KCNQ1OT1: variants seen among roughly 807,000 people sequenced by gnomAD.
The protein encoded by KCNQ1OT1 is KCNQ1 opposite strand/antisense transcript 1.
At position 2,687,570 on chromosome 11, in the gene KCNQ1OT1, CCT is replaced by C. The variant is rs1850512262; in HGVS notation, n.12423_12424del. On this transcript the variant is annotated non_coding_transcript_exon_variant, in exon 1 of 1. Coordinates refer to ENST00000597346, the Ensembl canonical transcript of KCNQ1OT1. This position sits in a 1 kb window ranked among gnomAD's most constrained non-coding sequence, Gnocchi z 5.0. Reference sequence around the variant, plus strand: ...CTACCACAGCCCACTCTGATGACCCCCTGTCAAGGAGGTGTGACTGAGAAAGG... The same window carrying C: ...CTACCACAGCCCACTCTGATGACCCCGTCAAGGAGGTGTGACTGAGAAAGG... 10 of 398,746 alleles carry C rather than the reference CCT, an allele frequency of 2.5e-5. No homozygotes were observed. The highest frequency in any genetic ancestry group is 1.1e-4 in the East Asian group (3 of 28,084). The allele number at this position is 398,746 out of a possible 1,614,324, so 24.7% of individuals were successfully genotyped here.
chr11:2,651,491 A>G lies in KCNQ1OT1; in HGVS notation n.48504T>C. ...AAGTATCTGGTGGGCTTGCATTAAG[A>G]AGCTGTCAGTGTGAAGAACGTGAAT... is the stretch of plus-strand genomic sequence containing the variant. On this transcript the variant is annotated non_coding_transcript_exon_variant, in exon 1 of 1. Transcript: ENST00000597346. This position sits in a 1 kb window ranked among gnomAD's most constrained non-coding sequence, Gnocchi z 6.1. 2.5e-6 allele frequency: 1 copy of G among 398,740 alleles called. No homozygotes were observed. The highest frequency in any genetic ancestry group is 1.3e-4 in the South Asian group (1 of 7,856). 24.7% of individuals were successfully genotyped at this position (398,740 alleles called of 1,614,324 possible).
chr11:2,640,548 A>G, exon 1 of KCNQ1OT1: 2 of 380,306 alleles, frequency 5.3e-6, no homozygotes, highest in Non-Finnish European at 9.0e-6. Context: ...GGCCCCCCAA[A>G]GCACTGGGAT....
chr11:2,693,425 T>C, exon 1 of KCNQ1OT1: 1 of 398,708 alleles, frequency 2.5e-6, no homozygotes, highest in Non-Finnish European at 4.4e-6. Flanking sequence ...AAGCTTGTTT[T>C]GCCAGGCGCT....
Position 2,671,617 on chromosome 11 carries a change from C to T in KCNQ1OT1, n.28378G>A, listed in dbSNP as rs185000272. 1 of 398,618 alleles carries T rather than the reference C, an allele frequency of 2.5e-6. No homozygotes were observed. Among genetic ancestry groups the T allele is most frequent in the East Asian group, 3.6e-5 (1 of 28,084 alleles). The allele number at this position is 398,618 out of a possible 1,614,324, so 24.7% of individuals were successfully genotyped here. A position where few individuals can be genotyped will look rare whatever the true frequency, so the allele number is the denominator to read the frequency against. On this transcript the variant is annotated non_coding_transcript_exon_variant, in exon 1 of 1. Transcript: ENST00000597346. The surrounding 1 kb of genome is among the most constrained non-coding windows in gnomAD (Gnocchi z 4.7). Reference sequence around the variant, plus strand: ...ACTGCACTGCACCCTAAGTATAAACCTTGCCACAGCAGTGTCCTGTGGTGC... The same window carrying T: ...ACTGCACTGCACCCTAAGTATAAACTTTGCCACAGCAGTGTCCTGTGGTGC...
In KCNQ1OT1 at chr11:2,674,385, GTGCA is replaced by G. The variant is rs1414332092; in HGVS notation, n.25606_25609del. 3.3e-5 allele frequency: 13 copies of G among 398,156 alleles called. No individual in the cohort carries two copies. The highest frequency in any genetic ancestry group is 5.8e-5 in the Non-Finnish European group (13 of 225,910). The allele number at this position is 398,156 out of a possible 1,614,324, so 24.7% of individuals were successfully genotyped here. On this transcript the variant is annotated non_coding_transcript_exon_variant, in exon 1 of 1. Coordinates refer to ENST00000597346, the Ensembl canonical transcript of KCNQ1OT1. This position sits in a 1 kb window ranked among gnomAD's most constrained non-coding sequence, Gnocchi z 5.9. ...AAGAGCAGCTTCCTGCTTAGGGAAG[GTGCA>G]TGCGTGCGTGTGTGTGTGCGCGCCC... is the stretch of plus-strand genomic sequence containing the variant.
chr11:2,625,557 C>G lies in KCNQ1OT1; in HGVS notation n.74438G>C, dbSNP rs7103309. 10 of 397,048 alleles carry G rather than the reference C, an allele frequency of 2.5e-5. No individual in the cohort carries two copies. The East Asian group carries it at 3.6e-4, about 14-fold the overall frequency. The allele number at this position is 397,048 out of a possible 1,614,324, so 24.6% of individuals were successfully genotyped here. A position where few individuals can be genotyped will look rare whatever the true frequency, so the allele number is the denominator to read the frequency against. On this transcript the variant is annotated non_coding_transcript_exon_variant, in exon 1 of 1. Transcript: ENST00000597346. The stretch of plus-strand genomic sequence containing the variant: ...CATTTGTATATCTTCTTTGGAGATA[C>G]GTCTGTCCAAGTCCTTTGCCCTTTT...
chr11:2,679,708 T>A lies in KCNQ1OT1; in HGVS notation n.20287A>T, dbSNP rs1355932634. On this transcript the variant is annotated non_coding_transcript_exon_variant, in exon 1 of 1. Coordinates refer to ENST00000597346, the Ensembl canonical transcript of KCNQ1OT1. The surrounding 1 kb of genome is among the most constrained non-coding windows in gnomAD (Gnocchi z 4.8). ...ATTAGATTTTTTTTAAATCAGCCGT[T>A]CTCTGTATTCTTGTCCAGATGCTGT... 25 of 398,418 alleles carry A rather than the reference T, an allele frequency of 6.3e-5. No homozygotes were observed. The East Asian group carries it at 8.9e-4, about 14-fold the overall frequency. 24.7% of individuals were successfully genotyped at this position (398,418 alleles called of 1,614,324 possible).
chr11:2,678,615 ATTAC>A lies in KCNQ1OT1; in HGVS notation n.21376_21379del, dbSNP rs1323550178. On this transcript the variant is annotated non_coding_transcript_exon_variant, in exon 1 of 1. Transcript: ENST00000597346. The surrounding 1 kb of genome is among the most constrained non-coding windows in gnomAD (Gnocchi z 4.9). The stretch of plus-strand genomic sequence containing the variant: ...TGTAGCAGGACTCCCCCTCATCTCC[ATTAC>A]TTAAGAGCCAATAATGGGAAGCTCA... 8 of 398,332 alleles carry A rather than the reference ATTAC, an allele frequency of 2.0e-5. No homozygotes were observed. The highest frequency in any genetic ancestry group is 1.6e-4 in the African/African-American group (8 of 48,538). The allele number at this position is 398,332 out of a possible 1,614,324, so 24.7% of individuals were successfully genotyped here.
rs948177676 is a variant in KCNQ1OT1 at position 2,668,251 on chromosome 11, G to C, written n.31744C>G. ...TGGCCAGCAGGCAGTTTCTGGTGTAGGTTGCTGTTTAAGAATATTCTGTAC... is the reference window on the plus strand; with the variant it reads ...TGGCCAGCAGGCAGTTTCTGGTGTACGTTGCTGTTTAAGAATATTCTGTAC... On this transcript the variant is annotated non_coding_transcript_exon_variant, in exon 1 of 1. Transcript: ENST00000597346. The surrounding 1 kb of genome is among the most constrained non-coding windows in gnomAD (Gnocchi z 4.3). 2 of 398,498 alleles carry C rather than the reference G, an allele frequency of 5.0e-6. No individual in the cohort carries two copies. The highest frequency in any genetic ancestry group is 8.8e-6 in the Non-Finnish European group (2 of 226,106). 24.7% of individuals were successfully genotyped at this position (398,498 alleles called of 1,614,324 possible).
rs887187839 is a variant in KCNQ1OT1 at position 2,682,515 on chromosome 11, C to T, written n.17480G>A. ...GTGAGTGAGTGAGTGAGTACTTGTG[C>T]CCAGGTCAAACCAGGTGCTAGGACC... On this transcript the variant is annotated non_coding_transcript_exon_variant, in exon 1 of 1. Coordinates refer to ENST00000597346, the Ensembl canonical transcript of KCNQ1OT1. The surrounding 1 kb of genome is among the most constrained non-coding windows in gnomAD (Gnocchi z 5.8). 1.4e-5 allele frequency: 5 copies of T among 353,922 alleles called. No individual in the cohort carries two copies. The highest frequency in any genetic ancestry group is 1.3e-4 in the African/African-American group (5 of 37,390). The allele number at this position is 353,922 out of a possible 1,614,324, so 21.9% of individuals were successfully genotyped here.
At position 2,642,738 on chromosome 11, in the gene KCNQ1OT1, C is replaced by T. The variant is rs1849599442; in HGVS notation, n.57257G>A. ...ATGGTTTGTTCTTGCTTTTCTGGTT[C>T]CTTCAGGTGTATCATTAGATTATTT... On this transcript the variant is annotated non_coding_transcript_exon_variant, in exon 1 of 1. Transcript: ENST00000597346. The surrounding 1 kb of genome is among the most constrained non-coding windows in gnomAD (Gnocchi z 4.3). 1 of 397,592 alleles carries T rather than the reference C, an allele frequency of 2.5e-6. No individual in the cohort carries two copies. The highest frequency in any genetic ancestry group is 4.4e-5 in the Admixed American group (1 of 22,680). The allele number at this position is 397,592 out of a possible 1,614,324, so 24.6% of individuals were successfully genotyped here. A position where few individuals can be genotyped will look rare whatever the true frequency, so the allele number is the denominator to read the frequency against.
rs1386929757 is a variant in KCNQ1OT1 at position 2,629,273 on chromosome 11, G to A, written n.70722C>T. ...TGTATCATCTTAGAATTTGTTCAATGTTTCATAGTTTTCAGTGTCTAGGTC... is the reference window on the plus strand; with the variant it reads ...TGTATCATCTTAGAATTTGTTCAATATTTCATAGTTTTCAGTGTCTAGGTC... On this transcript the variant is annotated non_coding_transcript_exon_variant, in exon 1 of 1. Transcript: ENST00000597346. 17 of 398,164 alleles carry A rather than the reference G, an allele frequency of 4.3e-5. No individual in the cohort carries two copies. In the East Asian group the frequency reaches 5.7e-4, roughly 13 times the overall value. The allele number at this position is 398,164 out of a possible 1,614,324, so 24.7% of individuals were successfully genotyped here. A position where few individuals can be genotyped will look rare whatever the true frequency, so the allele number is the denominator to read the frequency against.
At position 2,676,163 on chromosome 11, in the gene KCNQ1OT1, C is replaced by G. The variant is rs751486245; in HGVS notation, n.23832G>C. 18 of 398,462 alleles carry G rather than the reference C, an allele frequency of 4.5e-5. No individual in the cohort carries two copies. Among genetic ancestry groups the G allele is most frequent in the Non-Finnish European group, 8.0e-5 (18 of 226,074 alleles). The allele number at this position is 398,462 out of a possible 1,614,324, so 24.7% of individuals were successfully genotyped here. Reference sequence around the variant, plus strand: ...AGCATACTGTATGTATTTTTCTACACTTTGCCTTTGACTTCTTCCATAGGT... The same window carrying G: ...AGCATACTGTATGTATTTTTCTACAGTTTGCCTTTGACTTCTTCCATAGGT... On this transcript the variant is annotated non_coding_transcript_exon_variant, in exon 1 of 1. Transcript: ENST00000597346. The surrounding 1 kb of genome is among the most constrained non-coding windows in gnomAD (Gnocchi z 4.2).
chr11:2,687,143 A>G lies in KCNQ1OT1; in HGVS notation n.12852T>C. The G allele has an allele frequency of 2.5e-6, 1 of 398,648 alleles. No homozygotes were observed. The highest frequency in any genetic ancestry group is 3.6e-5 in the East Asian group (1 of 28,054). The allele number at this position is 398,648 out of a possible 1,614,324, so 24.7% of individuals were successfully genotyped here. A position where few individuals can be genotyped will look rare whatever the true frequency, so the allele number is the denominator to read the frequency against. On this transcript the variant is annotated non_coding_transcript_exon_variant, in exon 1 of 1. Transcript: ENST00000597346. The surrounding 1 kb of genome is among the most constrained non-coding windows in gnomAD (Gnocchi z 5.0). ...ACTGCACAGGGAGGGGAGGAATCTG[A>G]GCCAGCTTCCTCCACAAAGCACAGA...
exon 1 of KCNQ1OT1, chr11:2,697,427 A>C (rs1850696410): frequency 2.5e-6 from 1 of 398,306 alleles, no homozygotes; most frequent in Non-Finnish European, 4.4e-6. Context: ...TCCTTGGCCT[A>C]CTCCTTATCT....
chr11:2,692,206 ACACCCGCTT>A (rs1480980188), exon 1 of KCNQ1OT1: 35 of 398,628 alleles, frequency 8.8e-5, no homozygotes, highest in Admixed American at 5.3e-4. Context: ...CATTTCCGAT[ACACCCGCTT>A]CCTCACCACC....
rs745988162 is a variant in KCNQ1OT1 at position 2,678,445 on chromosome 11, T to C, written n.21550A>G. Reference sequence around the variant, plus strand: ...TTTGAGTACATCATCATCTCTCTACTAATTTCAACTGCTACCTTTATCATA... The same window carrying C: ...TTTGAGTACATCATCATCTCTCTACCAATTTCAACTGCTACCTTTATCATA... On this transcript the variant is annotated non_coding_transcript_exon_variant, in exon 1 of 1. Transcript: ENST00000597346. This position sits in a 1 kb window ranked among gnomAD's most constrained non-coding sequence, Gnocchi z 4.9. 1 of 398,654 alleles carries C rather than the reference T, an allele frequency of 2.5e-6. No individual in the cohort carries two copies. The highest frequency in any genetic ancestry group is 4.4e-6 in the Non-Finnish European group (1 of 226,064). 24.7% of individuals were successfully genotyped at this position (398,654 alleles called of 1,614,324 possible).
chr11:2,698,310 C>A lies in KCNQ1OT1; in HGVS notation n.1685G>T. 1 of 398,590 alleles carries A rather than the reference C, an allele frequency of 2.5e-6. No homozygotes were observed. Among genetic ancestry groups the A allele is most frequent in the Non-Finnish European group, 4.4e-6 (1 of 226,056 alleles). 24.7% of individuals were successfully genotyped at this position (398,590 alleles called of 1,614,324 possible). On this transcript the variant is annotated non_coding_transcript_exon_variant, in exon 1 of 1. Transcript: ENST00000597346. The surrounding 1 kb of genome is among the most constrained non-coding windows in gnomAD (Gnocchi z 5.1). ...CTGGATGAATTATTCTCTTTCATAACCAGAACAGTGCTGTGGGAAGGCACT... is the reference window on the plus strand; with the variant it reads ...CTGGATGAATTATTCTCTTTCATAAACAGAACAGTGCTGTGGGAAGGCACT...
exon 1 of KCNQ1OT1, chr11:2,648,363 GTTAT>G (rs1259091454): frequency 1.0e-5 from 4 of 398,166 alleles, no homozygotes; most frequent in African/African-American, 2.1e-5. Flanking sequence ...CGTTTATTAG[GTTAT>G]TTGTTTAAAA....
Sources: allele counts gnomAD v4.1 joint callset, GRCh38; gene constraint gnomAD v4.1.1; non-coding constraint Gnocchi (gnomAD v3.1); transcripts MANE v1.5; gene names NCBI Gene and HGNC (gene_info 2026-07-23, HGNC 2026-07-21).